NFATC1: variants seen among roughly 807,000 people sequenced by gnomAD.
NFATC1 encodes the protein nuclear factor of activated T-cells, cytoplasmic 1.
A neutral mutation model predicts 76.0 loss-of-function variants in NFATC1; 22 were observed. The observed-to-expected ratio is 0.29, with a 90% CI of 0.21 to 0.41. NFATC1 has a LOEUF of 0.41. NFATC1 is among the 10% of genes least tolerant of loss of function. NFATC1 has a pLI of 1.00. For missense variants in NFATC1, 1,357 were observed against 1,337.7 expected (o/e 1.01, Z -0.23); for synonymous variants, 704 against 613.1 (o/e 1.15, Z -2.19).
At chr18:79,431,379 CAG>C (rs2086582050) in intron 2 of NFATC1, among the ~76,000 whole-genome samples, 1 of 152,132 alleles carries the variant, frequency 6.6e-6, no homozygotes, top group South Asian at 2.1e-4. Context: ...TGTTTTGAGA[CAG>C]AGTCTTGCCC....
intron 9 of NFATC1, among the ~76,000 whole-genome samples, chr18:79,500,345 G>A (rs1228377046): frequency 1.3e-5 from 2 of 152,104 alleles, no homozygotes; most frequent in African/African-American, 2.4e-5. Flanking sequence ...TGAACTAAAT[G>A]CAAATGAAAA....
chr18:79,460,739 ACC>A (rs1005251096), intron 6 of NFATC1, among the ~76,000 whole-genome samples: 1 of 151,896 alleles, frequency 6.6e-6, no homozygotes, highest in Non-Finnish European at 1.5e-5. Context: ...ACCAGAGTAG[ACC>A]CCAGCACGAG....
intron 9 of NFATC1, among the ~76,000 whole-genome samples, chr18:79,488,424 C>T (rs192341525): frequency 2.3e-4 from 35 of 152,208 alleles, no homozygotes; most frequent in African/African-American, 8.4e-4. Flanking sequence ...AGGCTGCTGC[C>T]TCCCCAGGGC....
intron 2 of NFATC1, among the ~76,000 whole-genome samples, chr18:79,426,161 C>T (rs1016038887): frequency 7.2e-5 from 11 of 151,896 alleles, no homozygotes; most frequent in African/African-American, 2.4e-4. Context: ...GGTGACAGAG[C>T]GAGACCCTGT....
intron 2 of NFATC1, among the ~76,000 whole-genome samples, chr18:79,425,664 C>T (rs1409649736): frequency 1.3e-5 from 2 of 149,668 alleles, no homozygotes; most frequent in African/African-American, 2.4e-5. Context: ...CGTTCACCGG[C>T]GGAGTCGGGG....
intron 1 of NFATC1, among the ~76,000 whole-genome samples, chr18:79,406,190 G>T (rs1375215082): frequency 6.6e-6 from 1 of 152,222 alleles, no homozygotes; most frequent in South Asian, 2.1e-4. Flanking sequence ...AAATTCTTCA[G>T]AATTACCTTT....
Position 79,461,372 on chromosome 18 carries a change from T to G in NFATC1, c.1959+6T>G, listed in dbSNP as rs1338043137. 2.1e-6 allele frequency: 3 copies of G among 1,453,730 alleles called. No homozygotes were observed. The Admixed American group carries it at 5.9e-5, about 29-fold the overall frequency. 90.1% of individuals were successfully genotyped at this position (1,453,730 alleles called of 1,614,324 possible). A position where few individuals can be genotyped will look rare whatever the true frequency, so the allele number is the denominator to read the frequency against. On this transcript the variant is annotated splice_donor_region_variant and intron_variant, in intron 7 of 9. Coordinates refer to ENST00000427363, the MANE Select transcript of NFATC1 (RefSeq NM_001278669.2). Reference sequence around the variant, plus strand: ...ACCGGGACCTGTGCAAGCCGGTGAGTGCCTTTGGCGCAGCTGGAGCTACTG... The same window carrying G: ...ACCGGGACCTGTGCAAGCCGGTGAGGGCCTTTGGCGCAGCTGGAGCTACTG...
intron 9 of NFATC1, among the ~76,000 whole-genome samples, chr18:79,508,829 G>C (rs73481103): frequency 4.7e-5 from 7 of 149,208 alleles, no homozygotes; most frequent in Non-Finnish European, 7.4e-5. Flanking sequence ...ATCTCCCTCC[G>C]TGTGTCTCTG....
intron 1 of NFATC1, chr18:79,400,263 G>GGGGGGA (rs2085147023): frequency 8.5e-7 from 1 of 1,169,798 alleles, no homozygotes; most frequent in African/African-American, 1.6e-5. Flanking sequence ...CCCGGGGGGC[G>GGGGGGA]GGGGCGGGGC....
chr18:79,420,176 A>G (rs567278742), intron 2 of NFATC1, among the ~76,000 whole-genome samples: 1 of 151,898 alleles, frequency 6.6e-6, no homozygotes, highest in African/African-American at 2.4e-5. Context: ...AGAGGGGAAG[A>G]GGGGGACGTG....
At chr18:79,449,984 G>A (rs1482036151) in intron 4 of NFATC1, among the ~76,000 whole-genome samples, 1 of 152,248 alleles carries the variant, frequency 6.6e-6, no homozygotes, top group Non-Finnish European at 1.5e-5. Context: ...CCAAATCCCT[G>A]AGTTTGCCTC....
Position 79,410,590 on chromosome 18 carries a change from C to G in NFATC1, c.315C>G (p.Gly105=), listed in dbSNP as rs764508698. 6.8e-6 allele frequency: 11 copies of G among 1,612,426 alleles called. No individual in the cohort carries two copies. The highest frequency in any genetic ancestry group is 1.1e-5 in the South Asian group (1 of 91,082). The change falls in exon 2 of 10, where the codon GGC becomes GGG. Residue 105 remains glycine (G), a synonymous_variant. Transcript: ENST00000427363. The surrounding 1 kb of genome is among the most constrained non-coding windows in gnomAD (Gnocchi z 6.7). ...GGPAGYFLSS[G]HTRPDGAPAL... is the part of the protein sequence containing the mutation. ...CCGCGGGCTACTTCCTCTCCTCCGG[C>G]CACACCAGGCCTGATGGGGCCCCTG... is the stretch of plus-strand genomic sequence containing the variant.
chr18:79,522,450 TG>T (rs766902741), intron 9 of NFATC1, among the ~76,000 whole-genome samples: 3 of 66,158 alleles, frequency 4.5e-5, no homozygotes, highest in East Asian at 5.0e-4. Flanking sequence ...GTGTGTGTGT[TG>T]GGGGGGTGCG....
intron 3 of NFATC1, among the ~76,000 whole-genome samples, chr18:79,439,367 G>A (rs1246655017): frequency 6.6e-6 from 1 of 152,176 alleles, no homozygotes; most frequent in East Asian, 1.9e-4. Context: ...GCCACGCAGA[G>A]GCCCACGCAC....
At chr18:79,418,698 A>G (rs1183054481) in intron 2 of NFATC1, among the ~76,000 whole-genome samples, 2 of 152,202 alleles carry the variant, frequency 1.3e-5, no homozygotes, top group Non-Finnish European at 2.9e-5. Flanking sequence ...GTCTTGGCTC[A>G]TTTGCTCCTT....
chr18:79,472,957 G>A (rs761176221), intron 8 of NFATC1, among the ~76,000 whole-genome samples: 8 of 152,216 alleles, frequency 5.3e-5, no homozygotes, highest in Non-Finnish European at 1.0e-4. Context: ...GGCCTAAAAC[G>A]CAGACGACCC....
intron 1 of NFATC1, chr18:79,400,245 G>A: frequency 1.7e-6 from 2 of 1,208,418 alleles, no homozygotes; most frequent in Non-Finnish European, 2.1e-6. Flanking sequence ...ATGTAAACCC[G>A]GAAACGCCCC....
In NFATC1 at chr18:79,524,724, G is replaced by A. The variant is rs1029239430; in HGVS notation, c.2783-2804G>A. ...AGCAAAGGAGGCTGTGGTGGCCCCC[G>A]ACGGGAACCTGGGTGGCCGGGGGAC... is the stretch of plus-strand genomic sequence containing the variant. On this transcript the variant is annotated intron_variant, in intron 9 of 9. Coordinates refer to ENST00000427363, the MANE Select transcript of NFATC1 (RefSeq NM_001278669.2). This position sits in a 1 kb window ranked among gnomAD's most constrained non-coding sequence, Gnocchi z 7.2. Among the ~76,000 whole-genome samples the A allele has an allele frequency of 8.5e-5, 13 of 152,080 alleles. No homozygotes were observed. The highest frequency in any genetic ancestry group is 1.6e-4 in the Non-Finnish European group (11 of 67,978).
At chr18:79,513,596 G>A (rs1456753001) in intron 9 of NFATC1, among the ~76,000 whole-genome samples, 6 of 152,248 alleles carry the variant, frequency 3.9e-5, no homozygotes, top group African/African-American at 7.2e-5. Context: ...CGTGGACGTC[G>A]TCTTTCGTGG....
Sources: allele counts gnomAD v4.1 joint callset (sites outside exome capture counted in the v4.1 genomes callset), GRCh38; gene constraint gnomAD v4.1.1; non-coding constraint Gnocchi (gnomAD v3.1); transcripts MANE v1.5; gene names NCBI Gene and HGNC (gene_info 2026-07-23, HGNC 2026-07-21).